Variants in DGKB observed in about 807,000 individuals in gnomAD.
DGKB encodes 90 kDa diacylglycerol kinase.
A neutral mutation model predicts 114.3 loss-of-function variants in DGKB; 67 were observed. The ratio of observed to expected loss-of-function variants is 0.59; its 90% CI spans 0.48 to 0.72. The LOEUF is 0.72. Ranked by LOEUF, DGKB falls within the 30% of genes least tolerant of loss-of-function variation. The pLI is 0.00. For synonymous variants in DGKB, 398 were observed against 323.1 expected (o/e 1.23, Z -2.49); for missense variants, 907 against 975.2 (o/e 0.93, Z 0.93).
intron 21 of DGKB, among the ~76,000 whole-genome samples, chr7:14,407,751 G>A (rs951316888): frequency 5.3e-5 from 8 of 152,016 alleles, no homozygotes; most frequent in African/African-American, 1.9e-4. Flanking sequence ...TTCAAATGAA[G>A]ATGCAATAAG....
At chr7:14,419,829 A>G (rs1230663939) in intron 21 of DGKB, among the ~76,000 whole-genome samples, 1 of 152,050 alleles carries the variant, frequency 6.6e-6, no homozygotes, top group African/African-American at 2.4e-5. Context: ...CATGAAGATA[A>G]GAACAGTCTC....
intron 21 of DGKB, among the ~76,000 whole-genome samples, chr7:14,353,543 G>A (rs1813880415): frequency 6.6e-6 from 1 of 152,166 alleles, no homozygotes; most frequent in Admixed American, 6.5e-5. Context: ...GGACAGAGCT[G>A]AACTGGCTCA....
intron 1 of DGKB, among the ~76,000 whole-genome samples, chr7:14,972,363 A>G (rs2097846): frequency 0.59 from 88,921 of 151,970 alleles, 28,378 homozygotes; most frequent in African/African-American, 0.84. Context: ...AACAGAGATT[A>G]TGCTTCTCCT....
intron 1 of DGKB, among the ~76,000 whole-genome samples, chr7:14,964,657 G>A (rs535706375): frequency 6.6e-6 from 1 of 152,256 alleles, no homozygotes; most frequent in South Asian, 2.1e-4. Context: ...AACAGGAGTT[G>A]GGCTAGTTAG....
At chr7:14,447,281 C>G (rs1830858656) in intron 21 of DGKB, among the ~76,000 whole-genome samples, 1 of 152,194 alleles carries the variant, frequency 6.6e-6, no homozygotes, top group South Asian at 2.1e-4. Context: ...CTGCTGAGAG[C>G]TTTTCTGTTG....
chr7:14,602,644 T>C (rs1258030917), intron 17 of DGKB, among the ~76,000 whole-genome samples: 3 of 152,176 alleles, frequency 2.0e-5, no homozygotes, highest in Non-Finnish European at 2.9e-5. Flanking sequence ...AGACACCACC[T>C]TGGAAACAAA....
intron 2 of DGKB, among the ~76,000 whole-genome samples, chr7:14,785,418 A>T (rs557359263): frequency 5.3e-5 from 8 of 152,266 alleles, no homozygotes; most frequent in African/African-American, 1.7e-4. Flanking sequence ...AGATTAGTTC[A>T]TCAAAATCAT....
chr7:14,679,209 G>T (rs1820412221), intron 12 of DGKB, among the ~76,000 whole-genome samples: 1 of 151,022 alleles, frequency 6.6e-6, no homozygotes, highest in African/African-American at 2.5e-5. Flanking sequence ...TGGTTTATGT[G>T]CACCCAAATG....
At chr7:14,415,475 G>A (rs1232598266) in intron 21 of DGKB, among the ~76,000 whole-genome samples, 1 of 149,074 alleles carries the variant, frequency 6.7e-6, no homozygotes, top group Non-Finnish European at 1.5e-5. Context: ...CTGTGTCCAT[G>A]TGTTCTCATT....
chr7:14,866,566 A>G, intron 1 of DGKB, among the ~76,000 whole-genome samples: 1 of 152,184 alleles, frequency 6.6e-6, no homozygotes, highest in Middle Eastern at 3.4e-3. Context: ...CTTGATAGCT[A>G]ATTTCTTTTT....
intron 1 of DGKB, among the ~76,000 whole-genome samples, chr7:14,908,451 G>A (rs1459068060): frequency 6.6e-6 from 1 of 152,108 alleles, no homozygotes; most frequent in East Asian, 1.9e-4. Context: ...CATTTTAAAT[G>A]TCAGTTTTGA....
chr7:14,580,330 A>G (rs1240885505), intron 19 of DGKB, among the ~76,000 whole-genome samples: 1 of 152,192 alleles, frequency 6.6e-6, no homozygotes, highest in East Asian at 1.9e-4. Context: ...AAGGTCTCAC[A>G]TATGATTTTA....
chr7:14,488,665 G>GTA (rs963302863), intron 20 of DGKB, among the ~76,000 whole-genome samples: 3 of 136,558 alleles, frequency 2.2e-5, no homozygotes, highest in Non-Finnish European at 4.7e-5. Flanking sequence ...AAAAAAAAAA[G>GTA]TATATATATA....
intron 17 of DGKB, among the ~76,000 whole-genome samples, chr7:14,598,735 A>G (rs1288303612): frequency 1.3e-5 from 2 of 152,166 alleles, no homozygotes; most frequent in Non-Finnish European, 2.9e-5. Context: ...TATAAAGTAA[A>G]TATTTATAAA....
intron 25 of DGKB, among the ~76,000 whole-genome samples, chr7:14,166,735 G>GAGTTTTT (rs112342864): frequency 2.0e-5 from 3 of 152,120 alleles, no homozygotes; most frequent in East Asian, 3.9e-4. Flanking sequence ...AACCAGTGAT[G>GAGTTTTT]AGTTTTTAGT....
rs77467947 is a variant in DGKB at position 14,642,375 on chromosome 7, C to A, written c.1135-12107G>T. Among the ~76,000 whole-genome samples, 1,396 of 152,100 alleles carry A rather than the reference C, an allele frequency of 9.2e-3. 23 individuals are homozygous for A. Among genetic ancestry groups the A allele is most frequent in the African/African-American group, 0.032 (1,318 of 41,522 alleles). ...TTTTCTTTATTTTTGAGTTGCATAA[C>A]TATTAGTATTTTATTTGGCAACAGG... On this transcript the variant is annotated intron_variant, in intron 13 of 25. Coordinates refer to ENST00000402815, the MANE Select transcript of DGKB (RefSeq NM_001350709.2).
At chr7:14,343,404 A>G (rs1811949319) in intron 22 of DGKB, among the ~76,000 whole-genome samples, 1 of 151,848 alleles carries the variant, frequency 6.6e-6, no homozygotes. Context: ...TTTTTCTGTC[A>G]GATCTCAAGC....
At chr7:14,167,714 A>ATT (rs200256407) in intron 25 of DGKB, among the ~76,000 whole-genome samples, 4,308 of 152,282 alleles carry the variant, frequency 0.028, 197 homozygotes, top group African/African-American at 0.097. Flanking sequence ...TCTGAATAAC[A>ATT]TTGCAAACAC....
intron 23 of DGKB, among the ~76,000 whole-genome samples, chr7:14,330,552 G>A (rs970846952): frequency 1.3e-5 from 2 of 152,024 alleles, no homozygotes; most frequent in Middle Eastern, 3.4e-3. Flanking sequence ...ACCATAAAAA[G>A]TTATAGCATT....
Sources: gnomAD v4.1 joint callset for allele counts (sites outside exome capture counted in the v4.1 genomes callset) on GRCh38, gnomAD v4.1.1 for gene constraint, MANE v1.5 for transcripts, NCBI Gene and HGNC (gene_info 2026-07-23, HGNC 2026-07-21) for gene names.